Variants in MARCHF1 observed in about 807,000 individuals in gnomAD.
MARCHF1 encodes the protein membrane associated ring-CH-type finger 1.
In MARCHF1, 40 loss-of-function variants were observed where a neutral mutation model predicts 54.2. That is an observed-to-expected ratio of 0.74 (90% confidence interval 0.57 to 0.96). The LOEUF (loss-of-function observed/expected upper bound fraction) is 0.96, where lower values mean the gene tolerates loss of function less well. Among genes scored for constraint, MARCHF1 ranks in the 40% least tolerant of loss-of-function variants. MARCHF1 has a pLI of 0.00. For synonymous variants in MARCHF1, 236 were observed against 236.3 expected, an observed-to-expected ratio of 1.00 and a Z score of 0.01; for missense variants, 586 against 656.5, an observed-to-expected ratio of 0.89 and a Z score of 1.17.
chr4:164,108,299 C>G (rs1282575428), intron 2 of MARCHF1, among the ~76,000 whole-genome samples: 1 of 152,020 alleles, frequency 6.6e-6, no homozygotes, highest in African/African-American at 2.4e-5. Context: ...GTCAAGCCTG[C>G]TGTTTTTATT....
rs1337924059 is a variant in MARCHF1, at chr4:163,758,142, A to C, written c.112-57279T>G. On this transcript the variant is annotated intron_variant, in intron 4 of 9. Transcript: ENST00000514618. Reference sequence around the variant, plus strand: ...CTCTTTCTAGAATATTTTAATTCCAAAACAAATATTTTCATAGTCAGATTT... The same window carrying C: ...CTCTTTCTAGAATATTTTAATTCCACAACAAATATTTTCATAGTCAGATTT... Among the ~76,000 whole-genome samples the C allele has an allele frequency of 3.3e-5, 5 of 152,144 alleles. No individual in the cohort carries two copies. The East Asian group carries it at 9.6e-4, about 29-fold the overall frequency.
intron 1 of MARCHF1, among the ~76,000 whole-genome samples, chr4:164,239,992 GT>G (rs1732690941): frequency 6.6e-6 from 1 of 152,176 alleles, no homozygotes; most frequent in African/African-American, 2.4e-5. Flanking sequence ...AACATTCAGT[GT>G]TGTCACAGCT....
intron 7 of MARCHF1, 45 bp downstream of exon 7, chr4:163,612,226 G>T (rs1741365287): frequency 7.0e-7 from 1 of 1,418,594 alleles, no homozygotes; most frequent in Non-Finnish European, 9.2e-7. Flanking sequence ...ACTGCAAAAA[G>T]AACTATATAT....
intron 1 of MARCHF1, among the ~76,000 whole-genome samples, chr4:164,308,334 T>C (rs1465493749): frequency 6.6e-6 from 1 of 152,170 alleles, no homozygotes; most frequent in African/African-American, 2.4e-5. Context: ...TTGTAGGAAA[T>C]AACCTATTTG....
At chr4:164,242,771 A>G (rs1352123375) in intron 1 of MARCHF1, among the ~76,000 whole-genome samples, 2 of 152,226 alleles carry the variant, frequency 1.3e-5, no homozygotes, top group Non-Finnish European at 2.9e-5. Context: ...ACCAATACAG[A>G]CAAGTGCTTA....
intron 1 of MARCHF1, chr4:164,330,121 C>T (rs1268060583): frequency 6.6e-6 from 1 of 151,784 alleles, no homozygotes; most frequent in African/African-American, 2.4e-5. Context: ...AGGGCATTCT[C>T]GCCTTCTGCT....
intron 3 of MARCHF1, among the ~76,000 whole-genome samples, chr4:163,970,497 A>G (rs1304475968): frequency 6.6e-6 from 1 of 152,254 alleles, no homozygotes; most frequent in African/African-American, 2.4e-5. Context: ...GAATGGATAC[A>G]TAGATGAATG....
At chr4:163,808,037 A>G (rs1748273789) in intron 4 of MARCHF1, among the ~76,000 whole-genome samples, 1 of 152,202 alleles carries the variant, frequency 6.6e-6, no homozygotes, top group Non-Finnish European at 1.5e-5. Context: ...TCACTCCTAC[A>G]CATATTTCAT....
chr4:163,703,060 A>G (rs1264550435), intron 4 of MARCHF1, among the ~76,000 whole-genome samples: 2 of 152,134 alleles, frequency 1.3e-5, no homozygotes, highest in Non-Finnish European at 2.9e-5. Context: ...CTCATTGTAA[A>G]ATTGGGGAGA....
chr4:163,930,424 T>C (rs1386450576), intron 3 of MARCHF1, among the ~76,000 whole-genome samples: 1 of 151,436 alleles, frequency 6.6e-6, no homozygotes, highest in African/African-American at 2.4e-5. Flanking sequence ...CAGGTGAGGA[T>C]GTTACCTTAG....
chr4:163,603,916 A>T (rs147962321), intron 7 of MARCHF1, among the ~76,000 whole-genome samples: 11 of 152,212 alleles, frequency 7.2e-5, no homozygotes, highest in African/African-American at 2.6e-4. Flanking sequence ...AGGGTCCCTT[A>T]AATTAAAAAC....
At position 163,800,185 on chromosome 4, in the gene MARCHF1, C is replaced by A. The variant is rs1748038747; in HGVS notation, c.111+53836G>T. ...TAGCTCTTGGGTACTATGATTATAC[C>A]TGGGGAATGGAATTATTTGTACACC... On this transcript the variant is annotated intron_variant, in intron 4 of 9. Transcript: ENST00000514618. Among the ~76,000 whole-genome samples the A allele has an allele frequency of 3.9e-5, 6 of 151,904 alleles. No homozygotes were observed. In the South Asian group the frequency reaches 1.2e-3, roughly 31 times the overall value.
chr4:163,993,626 A>G (rs1284697975), intron 2 of MARCHF1, among the ~76,000 whole-genome samples: 4 of 152,148 alleles, frequency 2.6e-5, no homozygotes, highest in Non-Finnish European at 4.4e-5. Flanking sequence ...TAATTACAGC[A>G]TGCCCTGAAG....
intron 2 of MARCHF1, among the ~76,000 whole-genome samples, chr4:164,013,413 C>T (rs1043323770): frequency 6.6e-6 from 1 of 151,880 alleles, no homozygotes; most frequent in Admixed American, 6.6e-5. Flanking sequence ...TAGAAAATAG[C>T]CTCAAAAGGA....
chr4:163,980,895 T>G (rs1752748964), intron 3 of MARCHF1, among the ~76,000 whole-genome samples: 4 of 152,236 alleles, frequency 2.6e-5, no homozygotes, highest in Admixed American at 2.6e-4. Context: ...GTGCTATAGA[T>G]CTAAGTCTGT....
intron 3 of MARCHF1, among the ~76,000 whole-genome samples, chr4:163,968,189 C>T (rs1032304354): frequency 1.3e-5 from 2 of 152,082 alleles, no homozygotes; most frequent in African/African-American, 4.8e-5. Context: ...CCGTGAGAAC[C>T]TTGGTTTGCA....
chr4:163,834,542 A>G (rs11100518), intron 4 of MARCHF1, among the ~76,000 whole-genome samples: 147,762 of 150,928 alleles, frequency 0.98, 72,403 homozygotes, highest in Middle Eastern at 1. Context: ...ATGCTGGTAC[A>G]CTGCACCCAC....
intron 1 of MARCHF1, among the ~76,000 whole-genome samples, chr4:164,139,580 G>C (rs1048886345): frequency 2.6e-5 from 4 of 152,066 alleles, no homozygotes; most frequent in Admixed American, 6.6e-5. Flanking sequence ...GTACAGTTAT[G>C]TGGTAGACTG....
At chr4:163,919,456 A>G (rs10004696) in intron 3 of MARCHF1, among the ~76,000 whole-genome samples, 37,950 of 151,858 alleles carry the variant, frequency 0.25, 6,176 homozygotes, top group African/African-American at 0.46. Flanking sequence ...ATATAATTAC[A>G]AAGGACATAA....
Sources: gnomAD v4.1 joint callset for allele counts (sites outside exome capture counted in the v4.1 genomes callset) on GRCh38, gnomAD v4.1.1 for gene constraint, MANE v1.5 for transcripts, NCBI Gene and HGNC (gene_info 2026-07-23, HGNC 2026-07-21) for gene names.